Variants in ILRUN observed in about 807,000 individuals in gnomAD.
The protein encoded by ILRUN is inflammation and lipid regulator with UBA-like and NBR1-like domains.
Under a neutral mutation model 33.8 loss-of-function variants are expected in ILRUN, and 3 were observed. That is an observed-to-expected ratio of 0.09 (90% CI 0.04 to 0.23). ILRUN has a LOEUF of 0.23. Ranked by LOEUF, ILRUN falls within the 10% of genes least tolerant of loss-of-function variation. The pLI is 1.00. For missense variants in ILRUN, 210 were observed against 375.1 expected (o/e 0.56, Z 3.64); for synonymous variants, 124 against 138.9 (o/e 0.89, Z 0.75).
intron 3 of ILRUN, among the ~76,000 whole-genome samples, chr6:34,642,981 G>GA (rs1157332978): frequency 8.4e-4 from 114 of 135,296 alleles, no homozygotes; most frequent in Middle Eastern, 4.3e-3. Context: ...TGACCAAGGA[G>GA]AAAAAAAAAA....
chr6:34,645,653 T>C (rs945951293), intron 3 of ILRUN, among the ~76,000 whole-genome samples: 1 of 152,198 alleles, frequency 6.6e-6, no homozygotes, highest in Non-Finnish European at 1.5e-5. Flanking sequence ...ATTATAGGCG[T>C]GTGCCACCAT....
chr6:34,607,752 T>C (rs375022262), intron 3 of ILRUN, among the ~76,000 whole-genome samples: 1 of 152,210 alleles, frequency 6.6e-6, no homozygotes, highest in African/African-American at 2.4e-5. Flanking sequence ...TGTTACTTTA[T>C]TGAATACTGT....
At chr6:34,695,771 C>T (rs1475612144) in intron 1 of ILRUN, among the ~76,000 whole-genome samples, 1 of 151,744 alleles carries the variant, frequency 6.6e-6, no homozygotes, top group East Asian at 1.9e-4. Flanking sequence ...ACTCCGGGTC[C>T]TCCATGTGTC....
In ILRUN at chr6:34,588,191, C is replaced by T. The variant is rs1761231571; in HGVS notation, c.*2374G>A. On this transcript the variant is annotated 3_prime_UTR_variant, in exon 5 of 5. Coordinates refer to ENST00000374023, the MANE Select transcript of ILRUN (RefSeq NM_024294.4). ...CTGGCCCTCTGCAAGGAGCTCATCT[C>T]GCCTCCAAGGATGTGCACAGAAATG... The T allele has an allele frequency of 5.0e-6, 2 of 398,778 alleles. No homozygotes were observed. The highest frequency in any genetic ancestry group is 6.3e-4 in the Middle Eastern group (1 of 1,590). The allele number at this position is 398,778 out of a possible 1,614,324, so 24.7% of individuals were successfully genotyped here.
At chr6:34,607,466 T>C (rs1391038124) in intron 3 of ILRUN, among the ~76,000 whole-genome samples, 1 of 152,230 alleles carries the variant, frequency 6.6e-6, no homozygotes, top group African/African-American at 2.4e-5. Flanking sequence ...ACCCTGGCTA[T>C]CTTCTCAATC....
intron 4 of ILRUN, among the ~76,000 whole-genome samples, chr6:34,591,878 T>C (rs138002999): frequency 2.0e-5 from 3 of 152,186 alleles, no homozygotes; most frequent in African/African-American, 4.8e-5. Flanking sequence ...GTATTCCTTC[T>C]TCCCACGCTA....
chr6:34,616,533 G>T, intron 3 of ILRUN: 2 of 1,142,260 alleles, frequency 1.8e-6, no homozygotes, highest in Non-Finnish European at 1.3e-6. Flanking sequence ...TTTCAGGCTG[G>T]AACCATGGAG....
intron 3 of ILRUN, among the ~76,000 whole-genome samples, chr6:34,614,443 A>AAAATATATATATAT (rs71000073): frequency 7.5e-6 from 1 of 133,598 alleles, no homozygotes; most frequent in African/African-American, 3.1e-5. Flanking sequence ...AAAAAAAAAA[A>AAAATATATATATAT]ATATATATAT....
chr6:34,648,079 G>A (rs1301647609), intron 2 of ILRUN, among the ~76,000 whole-genome samples: 4 of 152,158 alleles, frequency 2.6e-5, no homozygotes, highest in East Asian at 1.9e-4. Context: ...CTAGTCAAGC[G>A]GTATAGGTAG....
intron 1 of ILRUN, among the ~76,000 whole-genome samples, chr6:34,694,616 G>T (rs1041726248): frequency 5.3e-5 from 8 of 152,214 alleles, no homozygotes; most frequent in African/African-American, 1.4e-4. Context: ...TACAAATGGA[G>T]ATTACAAATG....
At chr6:34,619,938 T>C (rs1007321054) in intron 3 of ILRUN, among the ~76,000 whole-genome samples, 2 of 148,850 alleles carry the variant, frequency 1.3e-5, no homozygotes, top group South Asian at 4.2e-4. Flanking sequence ...TGAGCCAAGA[T>C]TGCACCACTG....
chr6:34,660,352 C>G (rs999926801), intron 1 of ILRUN, among the ~76,000 whole-genome samples: 1 of 150,228 alleles, frequency 6.7e-6, no homozygotes, highest in African/African-American at 2.4e-5. Flanking sequence ...GCCATTAGCT[C>G]AGATTCTCAA....
At chr6:34,594,089 C>T (rs188365572) in intron 4 of ILRUN, among the ~76,000 whole-genome samples, 1 of 152,338 alleles carries the variant, frequency 6.6e-6, no homozygotes, top group Non-Finnish European at 1.5e-5. Flanking sequence ...ATACAGATAA[C>T]ATTCACTCTC....
chr6:34,662,637 C>T (rs907193489), intron 1 of ILRUN, among the ~76,000 whole-genome samples: 44 of 152,238 alleles, frequency 2.9e-4, no homozygotes, highest in Admixed American at 5.9e-4. Context: ...GAAATAAGTC[C>T]GTCACAAAGG....
intron 1 of ILRUN, among the ~76,000 whole-genome samples, chr6:34,684,553 T>C (rs547802934): frequency 6.6e-6 from 1 of 152,256 alleles, no homozygotes. Context: ...GTAAGAGGCT[T>C]AGGGAGAAAC....
chr6:34,652,155 A>G (rs1352312210), intron 2 of ILRUN, among the ~76,000 whole-genome samples: 1 of 152,220 alleles, frequency 6.6e-6, no homozygotes, highest in Non-Finnish European at 1.5e-5. Flanking sequence ...CATGATGAAT[A>G]AAAGCTATTA....
intron 1 of ILRUN, among the ~76,000 whole-genome samples, chr6:34,658,331 A>G (rs1452728149): frequency 4.0e-5 from 6 of 149,902 alleles, no homozygotes; most frequent in African/African-American, 1.5e-4. Flanking sequence ...CTAGGCAACA[A>G]AGTGAGACTC....
chr6:34,670,390 T>TA (rs1230510341), intron 1 of ILRUN, among the ~76,000 whole-genome samples: 1 of 152,128 alleles, frequency 6.6e-6, no homozygotes, highest in Admixed American at 6.5e-5. Context: ...TGAATTATAT[T>TA]AAAATAGGTT....
At chr6:34,637,866 G>GC (rs67480281) in intron 3 of ILRUN, among the ~76,000 whole-genome samples, 1,405 of 113,792 alleles carry the variant, frequency 0.012, 11 homozygotes, top group African/African-American at 0.025. Flanking sequence ...TGCTGCTGCT[G>GC]TTGTTGTTGT....
Sources: allele counts gnomAD v4.1 joint callset (sites outside exome capture counted in the v4.1 genomes callset), GRCh38; gene constraint gnomAD v4.1.1; transcripts MANE v1.5; gene names NCBI Gene and HGNC (gene_info 2026-07-23, HGNC 2026-07-21).